Variants in SHISA9 observed in about 807,000 individuals in gnomAD.
SHISA9 encodes protein shisa-9.
SHISA9 carries 13 observed loss-of-function variants against 38.0 expected under a neutral mutation model. The ratio of observed to expected loss-of-function variants is 0.34; its 90% CI spans 0.22 to 0.54. SHISA9 has a LOEUF of 0.54. Among genes scored for constraint, SHISA9 ranks in the 20% least tolerant of loss-of-function variants. The pLI is 0.91. For missense variants in SHISA9, 538 were observed against 575.8 expected (o/e 0.93, Z 0.67); for synonymous variants, 275 against 242.0 (o/e 1.14, Z -1.27).
intron 2 of SHISA9, among the ~76,000 whole-genome samples, chr16:13,189,345 C>T (rs1214267272): frequency 3.3e-5 from 5 of 152,208 alleles, no homozygotes; most frequent in African/African-American, 1.2e-4. Context: ...CCTCCAGATT[C>T]TTCCTGATAT....
the SHISA9 span, among the ~76,000 whole-genome samples, chr16:13,257,785 C>T: frequency 1.3e-5 from 2 of 152,172 alleles, no homozygotes; most frequent in African/African-American, 4.8e-5. Context: ...TTTAGGCTCC[C>T]TTCTGTGCTA....
intron 2 of SHISA9, among the ~76,000 whole-genome samples, chr16:13,094,986 T>C (rs1417972227): frequency 6.6e-6 from 1 of 152,218 alleles, no homozygotes; most frequent in African/African-American, 2.4e-5. Context: ...TACATATTTC[T>C]TCCGTTTCCT....
chr16:13,070,123 CGTGTGTGTGTGTGTGTGTGT>C (rs55824636), intron 2 of SHISA9, among the ~76,000 whole-genome samples: 1 of 145,722 alleles, frequency 6.9e-6, no homozygotes, highest in Non-Finnish European at 1.5e-5. Context: ...CTTTAAAGTA[CGTGTGTGTGTGTGTGTGTGT>C]GTGTGTGTGT....
chr16:13,485,359 A>C, the SHISA9 span, among the ~76,000 whole-genome samples: 2 of 152,254 alleles, frequency 1.3e-5, no homozygotes, highest in East Asian at 3.9e-4. Context: ...TGTCCCTGCA[A>C]AGGACATGAG....
At chr16:13,230,732 G>C (rs1234648844) in intron 4 of SHISA9, among the ~76,000 whole-genome samples, 1 of 152,092 alleles carries the variant, frequency 6.6e-6, no homozygotes, top group Non-Finnish European at 1.5e-5. Flanking sequence ...ATAAAAGAAT[G>C]GTTACTCCAT....
chr16:13,126,628 G>T (rs569718273), intron 2 of SHISA9, among the ~76,000 whole-genome samples: 1 of 146,220 alleles, frequency 6.8e-6, no homozygotes, highest in Non-Finnish European at 1.5e-5. Flanking sequence ...GGAGGCAGAG[G>T]GGTGGGGAGA....
At chr16:13,040,719 C>A (rs1785470988) in intron 2 of SHISA9, among the ~76,000 whole-genome samples, 2 of 152,184 alleles carry the variant, frequency 1.3e-5, no homozygotes, top group Admixed American at 6.5e-5. Flanking sequence ...ATTGAAGAGT[C>A]ATTTGGTAAA....
At chr16:13,313,204 G>A in the SHISA9 span, among the ~76,000 whole-genome samples, 28 of 143,160 alleles carry the variant, frequency 2.0e-4, no homozygotes, top group South Asian at 5.3e-3. Flanking sequence ...GCAGTGAGCC[G>A]AGATCCCGCC....
the SHISA9 span, among the ~76,000 whole-genome samples, chr16:13,472,088 T>G: frequency 6.6e-6 from 1 of 152,176 alleles, no homozygotes; most frequent in Non-Finnish European, 1.5e-5. Flanking sequence ...GAGAGCTTAG[T>G]GCTGTGTTTT....
chr16:13,370,853 A>C, the SHISA9 span, among the ~76,000 whole-genome samples: 2 of 152,192 alleles, frequency 1.3e-5, no homozygotes, highest in Non-Finnish European at 2.9e-5. Context: ...AATAAAAATC[A>C]AGTAATAGAA....
the SHISA9 span, among the ~76,000 whole-genome samples, chr16:13,267,200 A>C: frequency 1.3e-5 from 2 of 152,234 alleles, no homozygotes; most frequent in Non-Finnish European, 2.9e-5. Context: ...AGCCTATAGA[A>C]TTATTACAAA....
At chr16:13,311,788 G>A in the SHISA9 span, among the ~76,000 whole-genome samples, 1 of 152,166 alleles carries the variant, frequency 6.6e-6, no homozygotes, top group Non-Finnish European at 1.5e-5. Context: ...TTCCAAGCGT[G>A]ATTCCTTCCT....
At chr16:13,004,943 G>GAAAAAAAAAAAAAAAA (rs59694628) in intron 2 of SHISA9, among the ~76,000 whole-genome samples, 8 of 103,700 alleles carry the variant, frequency 7.7e-5, no homozygotes, top group African/African-American at 1.1e-4. Context: ...TTAAGAAAAA[G>GAAAAAAAAAAAAAAAA]AAAAAAAAAA....
At chr16:13,103,963 T>C (rs924851877) in intron 2 of SHISA9, among the ~76,000 whole-genome samples, 40 of 152,304 alleles carry the variant, frequency 2.6e-4, no homozygotes, top group African/African-American at 8.9e-4. Flanking sequence ...GCCATCCTGC[T>C]TGGGCTTTGT....
At chr16:13,383,726 C>G in the SHISA9 span, among the ~76,000 whole-genome samples, 2 of 152,176 alleles carry the variant, frequency 1.3e-5, no homozygotes, top group Non-Finnish European at 2.9e-5. Context: ...TCTCAGCTCA[C>G]TGCAACCTCC....
chr16:13,549,971 C>G, the SHISA9 span, among the ~76,000 whole-genome samples: 231 of 149,808 alleles, frequency 1.5e-3, 2 homozygotes, highest in Middle Eastern at 6.8e-3. Context: ...TGCAGTGAGC[C>G]GAGATTGTGC....
the SHISA9 span, among the ~76,000 whole-genome samples, chr16:13,430,928 A>AG: frequency 1.3e-5 from 2 of 151,434 alleles, no homozygotes; most frequent in African/African-American, 4.9e-5. Context: ...CTAGAAAAAA[A>AG]AAAAAAGAAA....
the SHISA9 span, among the ~76,000 whole-genome samples, chr16:13,365,712 G>T: frequency 6.6e-6 from 1 of 152,062 alleles, no homozygotes; most frequent in South Asian, 2.1e-4. Context: ...GCCTGCCTTG[G>T]CCTCCCAAAG....
intron 2 of SHISA9, among the ~76,000 whole-genome samples, chr16:13,047,577 G>A (rs192728373): frequency 2.4e-4 from 37 of 152,196 alleles, no homozygotes; most frequent in African/African-American, 8.9e-4. Flanking sequence ...CTTTCGGGAG[G>A]GTGCCTGGAT....
Sources: allele counts gnomAD v4.1 joint callset (sites outside exome capture counted in the v4.1 genomes callset), GRCh38; gene constraint gnomAD v4.1.1; transcripts MANE v1.5; gene names NCBI Gene and HGNC (gene_info 2026-07-23, HGNC 2026-07-21).